Variants in BDP1 observed in about 807,000 individuals in gnomAD.
BDP1 encodes transcription factor TFIIIB component B'' homolog.
Under a neutral mutation model 266.6 loss-of-function variants are expected in BDP1, and 169 were observed. That is an observed-to-expected ratio of 0.63 (90% CI 0.56 to 0.72). The LOEUF (loss-of-function observed/expected upper bound fraction) is 0.72, where lower values mean the gene tolerates loss of function less well. Among genes scored for constraint, BDP1 ranks in the 30% least tolerant of loss-of-function variants. The pLI, the probability that BDP1 is intolerant of heterozygous loss-of-function variation, is 0.00. For missense variants in BDP1, 3,015 were observed against 3,053.8 expected (o/e 0.99, Z 0.30); for synonymous variants, 1,090 against 1,022.4 (o/e 1.07, Z -1.26).
intron 15 of BDP1, among the ~76,000 whole-genome samples, chr5:71,503,097 A>G (rs975367505): frequency 4.6e-5 from 7 of 151,922 alleles, no homozygotes; most frequent in African/African-American, 1.7e-4. Context: ...CATGATCTAT[A>G]ATGTTTTTGT....
In BDP1 at chr5:71,455,819, C is replaced by G. The variant is rs1761130963; in HGVS notation, c.-59C>G. 6.9e-7 allele frequency: 1 copy of G among 1,457,908 alleles called. No individual in the cohort carries two copies. The highest frequency in any genetic ancestry group is 2.3e-5 in the Admixed American group (1 of 43,804). The allele number at this position is 1,457,908 out of a possible 1,614,324, so 90.3% of individuals were successfully genotyped here. ...TCCTAATCCCCTTTCCGGGCAGCCG[C>G]CGGGGCTCGGGGCTGTGAGCGGCCG... On this transcript the variant is annotated 5_prime_UTR_variant, in exon 1 of 39. Transcript: ENST00000358731.
At chr5:71,512,085 A>G (rs960817269) in intron 17 of BDP1, among the ~76,000 whole-genome samples, 156 bp from the exon 18 acceptor site, 3 of 152,072 alleles carry the variant, frequency 2.0e-5, no homozygotes, top group African/African-American at 7.2e-5. Context: ...CCTGAATTCC[A>G]AGTTTTAACA....
chr5:71,471,905 G>A (rs1464233751), intron 7 of BDP1, among the ~76,000 whole-genome samples: 7 of 152,186 alleles, frequency 4.6e-5, no homozygotes, highest in Non-Finnish European at 5.9e-5. Context: ...ATTGTACAGT[G>A]TAATGAAATA....
At position 71,510,261 on chromosome 5, in the gene BDP1, CT is replaced by C; in HGVS notation, c.3170del (p.Leu1057GlnfsTer8). The C allele has an allele frequency of 6.2e-7, 1 of 1,610,704 alleles. No individual in the cohort carries two copies. The highest frequency in any genetic ancestry group is 8.5e-7 in the Non-Finnish European group (1 of 1,179,284). ...QENGLEEVKP[L>X]GEMETDLKAT... ...AAATGGACTAGAGGAGGTCAAGCCT[CT>C]AGGTGAAATGGAGACGGATTTGAAA... On this transcript the variant is annotated frameshift_variant, in exon 17 of 39. Coordinates refer to ENST00000358731, the MANE Select transcript of BDP1 (RefSeq NM_018429.3). LOFTEE classifies it high-confidence loss of function.
At position 71,548,743 on chromosome 5, in the gene BDP1, C is replaced by A; in HGVS notation, c.6806C>A (p.Thr2269Lys). Residue 2269 changes from threonine to lysine, a missense_variant and splice_region_variant, in exon 33 of 39, where the codon ACA becomes AAA. Thr to Lys is a moderately conservative substitution (Grantham distance 78). Around this residue, in one of 3 missense-constraint regions of BDP1, gnomAD observed 629 missense variants for 632.5 expected, o/e 0.99. Transcript: ENST00000358731. ...AATATAATCAATCCTCAAGACCTAA[C>A]AGGTATGATAATATGCTTCAGTGAC... Reference protein sequence around the residue: ...QENIINPQDLTVNLVANVPQD... With the variant: ...QENIINPQDLKVNLVANVPQD... 1 of 1,591,424 alleles carries A rather than the reference C, an allele frequency of 6.3e-7. No individual in the cohort carries two copies. The highest frequency in any genetic ancestry group is 1.1e-5 in the South Asian group (1 of 90,240).
At chr5:71,491,340 A>G (rs531470575) in intron 11 of BDP1, among the ~76,000 whole-genome samples, 1 of 151,558 alleles carries the variant, frequency 6.6e-6, no homozygotes, top group South Asian at 2.1e-4. Context: ...ATTATGTACT[A>G]TCCTTCTGGT....
At chr5:71,512,882 AC>A (rs1765006281) in intron 18 of BDP1, among the ~76,000 whole-genome samples, 1 of 151,456 alleles carries the variant, frequency 6.6e-6, no homozygotes, top group African/African-American at 2.4e-5. Flanking sequence ...CGCTGTAGAA[AC>A]CCCATCTCTA....
Position 71,466,232 on chromosome 5 carries a change from A to G in BDP1, c.785+11A>G. The stretch of plus-strand genomic sequence containing the variant: ...TTTGGATGAAGAAAGGTATTTAGAA[A>G]AGAGAAAAAGTGAGATTGTGGTTAC... On this transcript the variant is annotated intron_variant, in intron 5 of 38. Transcript: ENST00000358731. The G allele has an allele frequency of 6.2e-7, 1 of 1,613,756 alleles. No individual in the cohort carries two copies. Among genetic ancestry groups the G allele is most frequent in the South Asian group, 1.1e-5 (1 of 91,002 alleles).
At chr5:71,501,469 C>T (rs916972181) in intron 13 of BDP1, 93 bp from the exon 14 acceptor site, 16 of 830,586 alleles carry the variant, frequency 1.9e-5, no homozygotes, top group South Asian at 9.6e-5. Flanking sequence ...CCACCGTGCC[C>T]GGCCAGTTCT....
intron 7 of BDP1, 57 bp downstream of exon 7, chr5:71,470,546 A>T: frequency 9.0e-7 from 1 of 1,117,032 alleles, no homozygotes; most frequent in Non-Finnish European, 1.3e-6. Context: ...TACAAATGTT[A>T]GTAGTATTAT....
intron 14 of BDP1, among the ~76,000 whole-genome samples, chr5:71,502,144 C>A (rs967346869): frequency 1.3e-5 from 2 of 148,620 alleles, no homozygotes; most frequent in Non-Finnish European, 3.0e-5. Flanking sequence ...TTTAAAAGTG[C>A]TTTTTCAAGA....
Position 71,524,102 on chromosome 5 carries a change from G to C in BDP1, c.5551G>C (p.Gly1851Arg). 1 of 1,614,146 alleles carries C rather than the reference G, an allele frequency of 6.2e-7. No individual in the cohort carries two copies. The highest frequency in any genetic ancestry group is 8.5e-7 in the Non-Finnish European group (1 of 1,180,044). ...AGGTCGTGGATCAAAACGAGTTCGG[G>C]GTAAGACCTCTAAGAAGGAACCTAG... is the stretch of plus-strand genomic sequence containing the variant. ...TRGRGSKRVR[G>R]KTSKKEPRAS... Residue 1851 changes from glycine (G) to arginine (R), a missense_variant, in exon 25 of 39, where the codon GGT (glycine) becomes CGT (arginine). By Grantham distance (125) the Gly-to-Arg change is moderately radical. This residue lies in a region of BDP1 where 2,383 missense variants were observed against 2,404.9 expected (regional missense o/e 0.99). Coordinates refer to ENST00000358731, the MANE Select transcript of BDP1 (RefSeq NM_018429.3).
chr5:71,573,949 C>T, the BDP1 span, among the ~76,000 whole-genome samples: 3 of 152,154 alleles, frequency 2.0e-5, no homozygotes, highest in Admixed American at 6.6e-5. Context: ...TTCCTCATAC[C>T]GTGGCTGCAG....
intron 34 of BDP1, among the ~76,000 whole-genome samples, chr5:71,552,688 C>T (rs921806864): frequency 2.8e-5 from 4 of 144,710 alleles, no homozygotes; most frequent in Admixed American, 1.3e-4. Flanking sequence ...GGTGTGGTGT[C>T]GCGCGCCTGC....
chr5:71,525,619 C>T (rs71624255), intron 25 of BDP1, among the ~76,000 whole-genome samples: 34,130 of 98,860 alleles, frequency 0.35, 8,080 homozygotes, highest in Non-Finnish European at 0.4. Context: ...CCGGACGGGG[C>T]GGCTGGCCGG....
At chr5:71,557,375 ATTTTTTTTTTTTTT>A (rs55810132) in intron 36 of BDP1, among the ~76,000 whole-genome samples, 1 of 103,348 alleles carries the variant, frequency 9.7e-6, no homozygotes, top group Non-Finnish European at 1.8e-5. Context: ...TGCCAAGCTA[ATTTTTTTTTTTTTT>A]TTTTTTTTTT....
chr5:71,575,596 C>T, the BDP1 span, among the ~76,000 whole-genome samples: 8 of 152,010 alleles, frequency 5.3e-5, no homozygotes, highest in East Asian at 9.6e-4. Flanking sequence ...CCATCTCCAG[C>T]GGCTATTCCA....
rs567761591 is a variant in BDP1, at chr5:71,464,715, GT to G, written c.659+620del. ...CCACCACGGTTGGCTAAATTTTTTA[GT>G]TTTTTTTTTTTTTTTTTTTTTGAGA... On this transcript the variant is annotated intron_variant, in intron 4 of 38. Coordinates refer to ENST00000358731, the MANE Select transcript of BDP1 (RefSeq NM_018429.3). 5.5e-3 allele frequency among the ~76,000 whole-genome samples: 484 copies of G among 88,074 alleles called. 2 individuals are homozygous for G. Among genetic ancestry groups the G allele is most frequent in the African/African-American group, 0.016 (377 of 23,752 alleles). The allele number at this position is 88,074 out of a possible 152,430, so 57.8% of individuals were successfully genotyped here.
chr5:71,538,418 A>G lies in BDP1; in HGVS notation c.5893-624A>G, dbSNP rs369691514. 9.8e-5 allele frequency among the ~76,000 whole-genome samples: 15 copies of G among 152,290 alleles called. 1 individual carries two copies. Among genetic ancestry groups the G allele is most frequent in the African/African-American group, 3.6e-4 (15 of 41,570 alleles). On this transcript the variant is annotated intron_variant, in intron 26 of 38. Coordinates refer to ENST00000358731, the MANE Select transcript of BDP1 (RefSeq NM_018429.3). ...CTGAGCTGGGAGGAAGGAGAGAGAA[A>G]GAGCAGTGTTAGTTCACATAGACTC...
Sources: gnomAD v4.1 joint callset for allele counts (sites outside exome capture counted in the v4.1 genomes callset) on GRCh38, gnomAD v4.1.1 for gene constraint, gnomAD v4.1.1 regional missense constraint, MANE v1.5 for transcripts, NCBI Gene and HGNC (gene_info 2026-07-23, HGNC 2026-07-21) for gene names.